GRIA3: variants seen among roughly 807,000 people sequenced by gnomAD.
GRIA3 encodes glutamate receptor 3.
A neutral mutation model predicts 63.0 loss-of-function variants in GRIA3; 3 were observed. The observed-to-expected ratio is 0.05, with a 90% CI of 0.02 to 0.12. The LOEUF (loss-of-function observed/expected upper bound fraction) is 0.12, where lower values mean the gene tolerates loss of function less well. Among genes scored for constraint, GRIA3 ranks in the 10% least tolerant of loss-of-function variants. The pLI, the probability that GRIA3 is intolerant of heterozygous loss-of-function variation, is 1.00. For synonymous variants in GRIA3, 274 were observed against 257.9 expected (o/e 1.06, Z -0.60); for missense variants, 347 against 700.9 (o/e 0.50, Z 5.70).
intron 2 of GRIA3, among the ~76,000 whole-genome samples, chrX:123,187,268 G>A (rs1410710118): frequency 4.5e-5 from 5 of 111,834 alleles, no homozygotes; most frequent in African/African-American, 1.6e-4. Flanking sequence ...TGGGCCAAGA[G>A]GATGGGGGTA....
intron 3 of GRIA3, among the ~76,000 whole-genome samples, chrX:123,266,571 A>T (rs1338293433): frequency 9.1e-6 from 1 of 110,369 alleles, no homozygotes; most frequent in Non-Finnish European, 1.9e-5. Context: ...CCCTGATGTT[A>T]CCCCCTCCAC....
At position 123,288,095 on chromosome X, in the gene GRIA3, C is replaced by T. The variant is rs1603071047; in HGVS notation, c.508+34553C>T. On this transcript the variant is annotated intron_variant, in intron 3 of 15. Coordinates refer to ENST00000620443, the MANE Select transcript of GRIA3 (RefSeq NM_007325.5). ...ATAGACCAATGGAACAGAACAGAGGCCTCAGAAATAATGCCACACATCTAC... is the reference window on the plus strand; with the variant it reads ...ATAGACCAATGGAACAGAACAGAGGTCTCAGAAATAATGCCACACATCTAC... Among the ~76,000 whole-genome samples the T allele has an allele frequency of 3.6e-5, 4 of 112,197 alleles. No individual in the cohort carries two copies. The Admixed American group carries it at 3.8e-4, about 11-fold the overall frequency.
At chrX:123,259,969 T>G (rs1029368621) in intron 3 of GRIA3, among the ~76,000 whole-genome samples, 3 of 111,563 alleles carry the variant, frequency 2.7e-5, no homozygotes, top group African/African-American at 9.8e-5. Context: ...AATTTCCTTC[T>G]TAAGGCATGG....
chrX:123,352,709 A>G (rs974319804), intron 4 of GRIA3, among the ~76,000 whole-genome samples: 4 of 111,649 alleles, frequency 3.6e-5, no homozygotes, highest in Middle Eastern at 9.3e-3. Context: ...TTTTTCTAGC[A>G]GAACTCAAAA....
Position 123,403,430 on chromosome X carries a change from T to C in GRIA3, c.1204T>C (p.Tyr402His). 2 of 1,180,449 alleles carry C rather than the reference T, an allele frequency of 1.7e-6. No homozygotes were observed. Among genetic ancestry groups the C allele is most frequent in the Non-Finnish European group, 2.3e-6 (2 of 866,987 alleles). The change falls in exon 9 of 16, where the codon TAT (tyrosine) becomes CAT (histidine). Residue 402 changes from tyrosine (Y) to histidine (H), a missense_variant. Physicochemically the swap from Tyr to His is moderately conservative, Grantham distance 83. This residue lies in a region of GRIA3 where 65 missense variants were observed against 145.8 expected (regional missense o/e 0.45). Transcript: ENST00000620443. ...TTTCTAGGCTGGCTACTGGAATGAG[T>C]ATGAAAGGTTTGTGCCTTTCTCAGA... The part of the protein sequence containing the change: ...GSRKAGYWNE[Y>H]ERFVPFSDQQ...
At chrX:123,214,998 T>A (rs1194377684) in intron 2 of GRIA3, among the ~76,000 whole-genome samples, 1 of 111,794 alleles carries the variant, frequency 8.9e-6, no homozygotes, top group Admixed American at 9.5e-5. Flanking sequence ...AAGATGACAG[T>A]TGAGGGAAAT....
At chrX:123,432,825 A>G (rs1176789885) in intron 12 of GRIA3, among the ~76,000 whole-genome samples, 1 of 111,908 alleles carries the variant, frequency 8.9e-6, no homozygotes, top group Non-Finnish European at 1.9e-5. Flanking sequence ...AAGAAACTAA[A>G]CTTGCTGACT....
chrX:123,485,616 A>C (rs372133240), intron 15 of GRIA3, among the ~76,000 whole-genome samples: 13 of 111,643 alleles, frequency 1.2e-4, no homozygotes, highest in African/African-American at 4.2e-4. Flanking sequence ...AAGCCTCCAT[A>C]TGCCCCATTC....
intron 4 of GRIA3, among the ~76,000 whole-genome samples, chrX:123,343,838 T>C (rs1483580205): frequency 9.1e-6 from 1 of 109,460 alleles, no homozygotes; most frequent in Non-Finnish European, 1.9e-5. Flanking sequence ...ACTACTCCAG[T>C]GCCACACACT....
intron 15 of GRIA3, among the ~76,000 whole-genome samples, chrX:123,485,791 C>T (rs932432012): frequency 2.7e-5 from 3 of 111,313 alleles, no homozygotes; most frequent in African/African-American, 9.8e-5. Flanking sequence ...TTACTATAGC[C>T]TCAGACTCTT....
At chrX:123,326,235 C>T (rs2044902520) in intron 4 of GRIA3, 22 bp downstream of exon 4, 2 of 1,149,455 alleles carry the variant, frequency 1.7e-6, no homozygotes, top group Non-Finnish European at 2.4e-6. Flanking sequence ...ATTTATTTCA[C>T]CGCCAGCCAA....
intron 12 of GRIA3, among the ~76,000 whole-genome samples, chrX:123,464,033 A>G (rs1267900846): frequency 6.3e-5 from 7 of 111,291 alleles, no homozygotes. Flanking sequence ...TCTGGAAACA[A>G]TATCAGTCAG....
At chrX:123,202,382 TA>T (rs1927766158) in intron 2 of GRIA3, among the ~76,000 whole-genome samples, 1 of 112,239 alleles carries the variant, frequency 8.9e-6, no homozygotes, top group African/African-American at 3.2e-5. Context: ...CAAAGGTGAC[TA>T]AAAATGCCTT....
In GRIA3 at chrX:123,352,427, T is replaced by G. The variant is rs769674949; in HGVS notation, c.697-2483T>G. Among the ~76,000 whole-genome samples, 6 of 112,520 alleles carry G rather than the reference T, an allele frequency of 5.3e-5. No homozygotes were observed. The East Asian group carries it at 1.7e-3, about 31-fold the overall frequency. ...TCCAGTTTGATCCCAGCAACACTTCTGATATAGGCAGGGCCAGATTATAGA... is the reference window on the plus strand; with the variant it reads ...TCCAGTTTGATCCCAGCAACACTTCGGATATAGGCAGGGCCAGATTATAGA... On this transcript the variant is annotated intron_variant, in intron 4 of 15. Transcript: ENST00000620443.
intron 3 of GRIA3, among the ~76,000 whole-genome samples, chrX:123,296,163 A>G (rs1001400172): frequency 2.7e-5 from 3 of 111,242 alleles, no homozygotes; most frequent in Non-Finnish European, 5.7e-5. Context: ...CACTGGTACA[A>G]TTAACTCTAC....
intron 12 of GRIA3, among the ~76,000 whole-genome samples, chrX:123,463,607 GGAGGGAAAGAAAGAAAGAAAGAAAGAAA>G (rs2045808950): frequency 2.3e-4 from 4 of 17,091 alleles, no homozygotes; most frequent in Non-Finnish European, 4.1e-4. Context: ...AGGGAGGGAG[GGAGGGAAAGAAAGAAAGAAAGAAAGAAA>G]GAAAGAAAGA....
intron 3 of GRIA3, among the ~76,000 whole-genome samples, chrX:123,264,531 T>C (rs1313861678): frequency 1.8e-5 from 2 of 111,648 alleles, no homozygotes; most frequent in Non-Finnish European, 3.8e-5. Flanking sequence ...GAAACTCATC[T>C]GAGTTTGTCA....
intron 3 of GRIA3, among the ~76,000 whole-genome samples, chrX:123,270,842 A>C (rs2044516942): frequency 8.9e-6 from 1 of 112,810 alleles, no homozygotes; most frequent in Admixed American, 9.4e-5. Context: ...ATTGTATAAA[A>C]GCATCAACAT....
intron 9 of GRIA3, among the ~76,000 whole-genome samples, 194 bp from the exon 10 acceptor site, chrX:123,404,514 C>T (rs1343512266): frequency 1.9e-5 from 2 of 103,871 alleles, no homozygotes; most frequent in Admixed American, 1.0e-4. Flanking sequence ...TAAGGACTCC[C>T]CCTACCAAAA....
Sources: gnomAD v4.1 joint callset for allele counts (sites outside exome capture counted in the v4.1 genomes callset) on GRCh38, gnomAD v4.1.1 for gene constraint, gnomAD v4.1.1 regional missense constraint, MANE v1.5 for transcripts, NCBI Gene and HGNC (gene_info 2026-07-23, HGNC 2026-07-21) for gene names.